The following PTPRK variants were observed in gnomAD, a reference collection of about 807,000 sequenced individuals.
PTPRK encodes receptor-type tyrosine-protein phosphatase kappa.
Under a neutral mutation model 178.0 loss-of-function variants are expected in PTPRK, and 75 were observed. The ratio of observed to expected loss-of-function variants is 0.42; its 90% confidence interval spans 0.35 to 0.51. PTPRK has a LOEUF of 0.51. Ranked by LOEUF, PTPRK falls within the 20% of genes least tolerant of loss-of-function variation. The pLI, the probability that PTPRK is intolerant of heterozygous loss-of-function variation, is 0.02. For synonymous variants in PTPRK, 637 were observed against 620.6 expected (o/e 1.03, Z -0.39); for missense variants, 1,441 against 1,797.8 (o/e 0.80, Z 3.59).
chr6:127,989,403 C>T (rs764923485), intron 21 of PTPRK, among the ~76,000 whole-genome samples: 7 of 151,710 alleles, frequency 4.6e-5, no homozygotes, highest in Non-Finnish European at 4.4e-5. Flanking sequence ...AATATTTTGC[C>T]TAATTTTTTC....
intron 1 of PTPRK, among the ~76,000 whole-genome samples, chr6:128,515,570 GA>G (rs1217122948): frequency 7.2e-5 from 11 of 152,052 alleles, no homozygotes; most frequent in African/African-American, 2.7e-4. Context: ...GACAGAACTA[GA>G]AAATGTGTTT....
chr6:128,152,829 T>C (rs1797462362), intron 7 of PTPRK, among the ~76,000 whole-genome samples: 1 of 151,922 alleles, frequency 6.6e-6, no homozygotes, highest in Non-Finnish European at 1.5e-5. Flanking sequence ...ATAATATCAT[T>C]TATATGATGT....
At chr6:128,281,723 T>G (rs1477661113) in intron 3 of PTPRK, among the ~76,000 whole-genome samples, 1 of 152,080 alleles carries the variant, frequency 6.6e-6, no homozygotes, top group African/African-American at 2.4e-5. Context: ...TCTCTGCACT[T>G]ACCATCCCAC....
chr6:127,977,158 T>C (rs1231631838), intron 25 of PTPRK, 104 bp from the exon 26 acceptor site: 2 of 1,133,902 alleles, frequency 1.8e-6, no homozygotes, highest in African/African-American at 3.1e-5. Flanking sequence ...TAAGATGCAA[T>C]AGCTTCATAT....
At chr6:128,300,135 G>A (rs756768862) in intron 3 of PTPRK, among the ~76,000 whole-genome samples, 3 of 152,056 alleles carry the variant, frequency 2.0e-5, no homozygotes, top group Non-Finnish European at 1.5e-5. Flanking sequence ...TCACCATCAC[G>A]GGCCAACAGA....
intron 3 of PTPRK, among the ~76,000 whole-genome samples, chr6:128,312,815 A>G (rs1481448413): frequency 2.6e-5 from 4 of 152,006 alleles, no homozygotes. Flanking sequence ...TGTACTAAGA[A>G]CTTAGCACTT....
chr6:128,437,142 AC>A (rs1033466060), intron 1 of PTPRK, among the ~76,000 whole-genome samples: 6 of 152,164 alleles, frequency 3.9e-5, no homozygotes, highest in African/African-American at 1.4e-4. Context: ...TGGTTGAGGG[AC>A]TAAGTTAATA....
At chr6:128,490,300 G>A (rs183054462) in intron 1 of PTPRK, among the ~76,000 whole-genome samples, 1 of 152,292 alleles carries the variant, frequency 6.6e-6, no homozygotes, top group East Asian at 1.9e-4. Context: ...TAACATGTTT[G>A]CTGACCCTAC....
chr6:128,004,973 T>C, intron 15 of PTPRK, 111 bp downstream of exon 15: 1 of 873,436 alleles, frequency 1.1e-6, no homozygotes. Flanking sequence ...TCTTTCTAGC[T>C]GCTTCTCCCC....
chr6:128,411,708 T>A (rs775340656), intron 1 of PTPRK, among the ~76,000 whole-genome samples: 5 of 152,188 alleles, frequency 3.3e-5, no homozygotes, highest in Non-Finnish European at 7.4e-5. Flanking sequence ...TAGCTATTTT[T>A]AAAATACAAA....
intron 27 of PTPRK, 58 bp from the exon 28 acceptor site, chr6:127,973,885 T>G: frequency 6.6e-7 from 1 of 1,519,418 alleles, no homozygotes. Context: ...TACTAAAAAG[T>G]AAAAGGTGCA....
At chr6:128,254,816 C>T (rs1186196959) in intron 3 of PTPRK, among the ~76,000 whole-genome samples, 3 of 151,590 alleles carry the variant, frequency 2.0e-5, no homozygotes, top group South Asian at 2.1e-4. Flanking sequence ...TCTGGGTGTC[C>T]GACAATCAGT....
chr6:128,085,895 CAGGTG>C (rs1488188918), intron 8 of PTPRK, among the ~76,000 whole-genome samples: 1 of 152,174 alleles, frequency 6.6e-6, no homozygotes, highest in Non-Finnish European at 1.5e-5. Flanking sequence ...CACACACAAA[CAGGTG>C]AGGTGAGGTG....
At chr6:128,245,878 G>A (rs1815366038) in intron 3 of PTPRK, among the ~76,000 whole-genome samples, 1 of 152,136 alleles carries the variant, frequency 6.6e-6, no homozygotes, top group Non-Finnish European at 1.5e-5. Flanking sequence ...AAAAAACCCT[G>A]TATTATACTC....
intron 6 of PTPRK, among the ~76,000 whole-genome samples, chr6:128,205,003 C>G (rs1050492213): frequency 6.6e-6 from 1 of 152,048 alleles, no homozygotes; most frequent in African/African-American, 2.4e-5. Context: ...CAAAGACATG[C>G]AATCAACCTA....
chr6:128,445,970 GT>G (rs1389790164), intron 1 of PTPRK, among the ~76,000 whole-genome samples: 1 of 151,878 alleles, frequency 6.6e-6, no homozygotes, highest in Non-Finnish European at 1.5e-5. Context: ...GACTGGGCCA[GT>G]TTTCTTCAAT....
intron 21 of PTPRK, among the ~76,000 whole-genome samples, chr6:127,987,057 AG>A (rs1456047510): frequency 4.6e-5 from 7 of 152,204 alleles, no homozygotes; most frequent in African/African-American, 1.7e-4. Flanking sequence ...GCCTGATTTT[AG>A]GTAATACTTT....
intron 22 of PTPRK, 138 bp from the exon 23 acceptor site, chr6:127,983,515 T>C (rs1775602162): frequency 3.6e-6 from 3 of 826,522 alleles, no homozygotes; most frequent in Middle Eastern, 2.6e-4. Flanking sequence ...GTCCCTGCTG[T>C]GTAAAAGCTT....
At chr6:128,077,558 G>A (rs1784062845) in intron 11 of PTPRK, among the ~76,000 whole-genome samples, 1 of 150,052 alleles carries the variant, frequency 6.7e-6, no homozygotes, top group Non-Finnish European at 1.5e-5. Context: ...TGCTCACGAA[G>A]TCAAATGTAT....
Sources: gnomAD v4.1 joint callset for allele counts (sites outside exome capture counted in the v4.1 genomes callset) on GRCh38, gnomAD v4.1.1 for gene constraint, MANE v1.5 for transcripts, NCBI Gene and HGNC (gene_info 2026-07-23, HGNC 2026-07-21) for gene names.